Variants in PPFIA2 observed in about 807,000 individuals in gnomAD.
The protein encoded by PPFIA2 is PPFI scaffold protein A2.
A neutral mutation model predicts 175.5 loss-of-function variants in PPFIA2; 46 were observed. That is an observed-to-expected ratio of 0.26 (90% confidence interval 0.21 to 0.34). PPFIA2 has a LOEUF of 0.34. PPFIA2 is among the 10% of genes least tolerant of loss of function. The probability of loss-of-function intolerance (pLI) is 1.00; values close to 1 mark genes in which losing one functional copy is unlikely to be tolerated. For missense variants in PPFIA2, 1,179 were observed against 1,506.1 expected, an observed-to-expected ratio of 0.78 and a Z score of 3.60; for synonymous variants, 568 against 511.4, an observed-to-expected ratio of 1.11 and a Z score of -1.49.
At chr12:81,724,635 G>T (rs2079804235) in intron 3 of PPFIA2, among the ~76,000 whole-genome samples, 2 of 150,866 alleles carry the variant, frequency 1.3e-5, no homozygotes, top group African/African-American at 4.9e-5. Flanking sequence ...TTCTATCCTT[G>T]TTGCTGCAAA....
intron 22 of PPFIA2, among the ~76,000 whole-genome samples, chr12:81,318,691 G>T (rs1349687302): frequency 2.0e-5 from 3 of 151,732 alleles, no homozygotes; most frequent in Non-Finnish European, 4.4e-5. Flanking sequence ...CATTTGTGAA[G>T]CCCCTTTGGT....
chr12:81,536,974 C>T (rs1236048619), intron 4 of PPFIA2, among the ~76,000 whole-genome samples: 1 of 150,832 alleles, frequency 6.6e-6, no homozygotes, highest in Non-Finnish European at 1.5e-5. Flanking sequence ...CGGTTATTGA[C>T]AGGTTTATGG....
At chr12:81,423,149 C>A in intron 7 of PPFIA2, among the ~76,000 whole-genome samples, 1 of 152,036 alleles carries the variant, frequency 6.6e-6, no homozygotes, top group African/African-American at 2.4e-5. Context: ...CCAAATATGT[C>A]CATGAACCAA....
chr12:81,722,809 C>A (rs529483516), intron 3 of PPFIA2, among the ~76,000 whole-genome samples: 4 of 150,936 alleles, frequency 2.7e-5, no homozygotes, highest in East Asian at 1.9e-4. Context: ...TGAAAAAAAA[C>A]AAAACAAAAA....
At chr12:81,475,140 C>A (rs893029052) in intron 4 of PPFIA2, among the ~76,000 whole-genome samples, 38 of 152,260 alleles carry the variant, frequency 2.5e-4, no homozygotes, top group African/African-American at 8.9e-4. Flanking sequence ...TTCTGTCATA[C>A]AAACCTCTGT....
intron 4 of PPFIA2, among the ~76,000 whole-genome samples, chr12:81,492,377 AG>A (rs1348779586): frequency 6.6e-6 from 1 of 152,078 alleles, no homozygotes; most frequent in African/African-American, 2.4e-5. Context: ...CCTTGCCCCT[AG>A]GGAGCTTACA....
At chr12:81,294,098 T>A (rs1361326191) in intron 24 of PPFIA2, among the ~76,000 whole-genome samples, 1 of 151,970 alleles carries the variant, frequency 6.6e-6, no homozygotes, top group Non-Finnish European at 1.5e-5. Flanking sequence ...AATGGGTACA[T>A]GTGGACAGGT....
intron 4 of PPFIA2, among the ~76,000 whole-genome samples, chr12:81,499,816 T>A (rs1158450633): frequency 6.8e-6 from 1 of 147,216 alleles, no homozygotes; most frequent in Non-Finnish European, 1.5e-5. Flanking sequence ...CAGTGCTTCC[T>A]AAAAAAAAAA....
intron 7 of PPFIA2, chr12:81,430,542 T>TCG (rs1471332752): frequency 1.3e-5 from 2 of 151,818 alleles, no homozygotes; most frequent in African/African-American, 4.8e-5. Context: ...TCTCTCTCTC[T>TCG]CTCTCTCTCT....
intron 30 of PPFIA2, among the ~76,000 whole-genome samples, chr12:81,264,114 T>G (rs925604808): frequency 6.6e-6 from 1 of 152,162 alleles, no homozygotes; most frequent in Admixed American, 6.5e-5. Flanking sequence ...TCCCATTTAA[T>G]TGGCCCAGTA....
At chr12:81,286,664 T>G (rs895553372) in intron 24 of PPFIA2, among the ~76,000 whole-genome samples, 1 of 152,022 alleles carries the variant, frequency 6.6e-6, no homozygotes, top group African/African-American at 2.4e-5. Flanking sequence ...AACATATATC[T>G]GCATTAAGTG....
chr12:81,570,794 T>C lies in PPFIA2; in HGVS notation c.303+105997A>G, dbSNP rs898164240. 2.0e-5 allele frequency among the ~76,000 whole-genome samples: 3 copies of C among 151,270 alleles called. No individual in the cohort carries two copies. In the East Asian group the frequency reaches 5.8e-4, roughly 29 times the overall value. On this transcript the variant is annotated intron_variant, in intron 4 of 32. Coordinates refer to ENST00000549396, the MANE Select transcript of PPFIA2 (RefSeq NM_003625.5). ...ATTAATTTCAAAATAGTAACTGTAATGTGGATTATAAAAACAGTTTCACCA... is the reference window on the plus strand; with the variant it reads ...ATTAATTTCAAAATAGTAACTGTAACGTGGATTATAAAAACAGTTTCACCA...
chr12:81,578,844 G>T (rs1595184138), intron 4 of PPFIA2, among the ~76,000 whole-genome samples: 1 of 151,878 alleles, frequency 6.6e-6, no homozygotes, highest in East Asian at 1.9e-4. Flanking sequence ...GGCTGATTTT[G>T]CTAGATATCA....
chr12:81,351,216 A>G (rs1295342749), intron 17 of PPFIA2, among the ~76,000 whole-genome samples: 7 of 152,172 alleles, frequency 4.6e-5, no homozygotes, highest in Non-Finnish European at 5.9e-5. Context: ...TTTCATAACT[A>G]GTATGAAATA....
chr12:81,466,752 G>A (rs903639047), intron 4 of PPFIA2, among the ~76,000 whole-genome samples: 25 of 151,874 alleles, frequency 1.6e-4, no homozygotes, highest in African/African-American at 5.6e-4. Context: ...TTGGAGGCAA[G>A]GTAGGGTTTT....
Position 81,539,759 on chromosome 12 carries a change from G to C in PPFIA2, c.304-81893C>G, listed in dbSNP as rs145301603. ...ACTCAACTAGATACAGAACGAAGCA[G>C]TCCCTCATTGAGCTCAAACTCAAGC... On this transcript the variant is annotated intron_variant, in intron 4 of 32. Transcript: ENST00000549396. 7.9e-5 allele frequency among the ~76,000 whole-genome samples: 12 copies of C among 151,994 alleles called. No homozygotes were observed. In the East Asian group the frequency reaches 2.3e-3, roughly 29 times the overall value.
intron 4 of PPFIA2, among the ~76,000 whole-genome samples, chr12:81,487,398 GGTT>G (rs2058953132): frequency 6.6e-6 from 1 of 151,774 alleles, no homozygotes; most frequent in Non-Finnish European, 1.5e-5. Context: ...AGTCTTACTG[GGTT>G]GTTGTGAGAC....
At chr12:81,540,335 C>T (rs984464106) in intron 4 of PPFIA2, among the ~76,000 whole-genome samples, 21 of 151,930 alleles carry the variant, frequency 1.4e-4, no homozygotes, top group African/African-American at 4.8e-4. Flanking sequence ...TATATCAATT[C>T]AACAACTGAT....
In PPFIA2 at chr12:81,721,227, C is replaced by T. The variant is rs116733494; in HGVS notation, c.249+32746G>A. On this transcript the variant is annotated intron_variant, in intron 3 of 32. Coordinates refer to ENST00000549396, the MANE Select transcript of PPFIA2 (RefSeq NM_003625.5). Reference sequence around the variant, plus strand: ...AACTGTGGAGAATCTTTCATGTTGACCCCAGAGGTTTTCCTAGAAAAATTT... The same window carrying T: ...AACTGTGGAGAATCTTTCATGTTGATCCCAGAGGTTTTCCTAGAAAAATTT... Among the ~76,000 whole-genome samples, 358 of 151,334 alleles carry T rather than the reference C, an allele frequency of 2.4e-3. 2 individuals are homozygous for T. Among genetic ancestry groups the T allele is most frequent in the African/African-American group, 8.4e-3 (347 of 41,442 alleles).
Sources: gnomAD v4.1 joint callset for allele counts (sites outside exome capture counted in the v4.1 genomes callset) on GRCh38, gnomAD v4.1.1 for gene constraint, MANE v1.5 for transcripts, NCBI Gene and HGNC (gene_info 2026-07-23, HGNC 2026-07-21) for gene names.